Variants in KHDRBS2 observed in about 807,000 individuals in gnomAD.
KHDRBS2 encodes the protein KH domain-containing, RNA-binding, signal transduction-associated protein 2.
A neutral mutation model predicts 44.3 loss-of-function variants in KHDRBS2; 26 were observed. The ratio of observed to expected loss-of-function variants is 0.59; its 90% CI spans 0.43 to 0.81. KHDRBS2 has a LOEUF of 0.81. KHDRBS2 is among the 40% of genes least tolerant of loss of function. KHDRBS2 has a pLI of 0.00. For missense variants in KHDRBS2, 476 were observed against 433.1 expected (o/e 1.10, Z -0.88); for synonymous variants, 194 against 151.1 (o/e 1.28, Z -2.08).
At chr6:62,247,943 A>T (rs542897043) in intron 1 of KHDRBS2, among the ~76,000 whole-genome samples, 11 of 152,236 alleles carry the variant, frequency 7.2e-5, no homozygotes, top group African/African-American at 2.6e-4. Flanking sequence ...GAATGCTATG[A>T]CTTTTTCTTT....
intron 6 of KHDRBS2, among the ~76,000 whole-genome samples, chr6:61,744,917 C>A (rs980472188): frequency 1.3e-5 from 2 of 152,030 alleles, no homozygotes. Context: ...CATTTACTAC[C>A]GAAACTTTCA....
At chr6:62,224,139 A>T (rs1195726622) in intron 1 of KHDRBS2, among the ~76,000 whole-genome samples, 1 of 152,142 alleles carries the variant, frequency 6.6e-6, no homozygotes, top group Non-Finnish European at 1.5e-5. Flanking sequence ...ATGGCTGGGG[A>T]GGCCTCAGAA....
chr6:61,552,343 G>T, the KHDRBS2 span, among the ~76,000 whole-genome samples: 1 of 151,940 alleles, frequency 6.6e-6, no homozygotes, highest in African/African-American at 2.4e-5. Context: ...GAATGCTACT[G>T]ATTTTTGTAC....
intron 1 of KHDRBS2, among the ~76,000 whole-genome samples, chr6:62,258,120 G>A (rs1837713326): frequency 6.6e-6 from 1 of 151,994 alleles, no homozygotes; most frequent in South Asian, 2.1e-4. Context: ...ATAATGCTGT[G>A]TTTTGATTAA....
chr6:61,929,491 T>C (rs1288774133), intron 4 of KHDRBS2, among the ~76,000 whole-genome samples: 1 of 152,182 alleles, frequency 6.6e-6, no homozygotes, highest in Admixed American at 6.5e-5. Context: ...CAAAGGCCGT[T>C]CCACCACCTG....
chr6:62,285,072 T>TTA (rs1297527680), intron 1 of KHDRBS2, among the ~76,000 whole-genome samples: 1 of 152,228 alleles, frequency 6.6e-6, no homozygotes, highest in Non-Finnish European at 1.5e-5. Context: ...GATGGCATTA[T>TTA]TATAACATAA....
chr6:62,285,435 C>T (rs1241318730), intron 1 of KHDRBS2, among the ~76,000 whole-genome samples: 2 of 152,080 alleles, frequency 1.3e-5, no homozygotes, highest in Non-Finnish European at 2.9e-5. Flanking sequence ...AAATCACTTC[C>T]TAAATGCAGC....
chr6:62,260,910 C>A (rs1218321750), intron 1 of KHDRBS2, among the ~76,000 whole-genome samples: 1 of 151,824 alleles, frequency 6.6e-6, no homozygotes, highest in Non-Finnish European at 1.5e-5. Flanking sequence ...AATAACAATT[C>A]ATAATAGTGT....
chr6:61,565,078 T>A, the KHDRBS2 span, among the ~76,000 whole-genome samples: 1 of 152,086 alleles, frequency 6.6e-6, no homozygotes, highest in African/African-American at 2.4e-5. Context: ...AGGGACAGTC[T>A]TTTCAACAAA....
chr6:61,818,484 T>C (rs1014745536), intron 6 of KHDRBS2, among the ~76,000 whole-genome samples: 2 of 151,978 alleles, frequency 1.3e-5, no homozygotes, highest in African/African-American at 4.8e-5. Flanking sequence ...GGAAGTAGTA[T>C]CCAGGAAATG....
rs568920587 is a variant in KHDRBS2 at position 62,090,425 on chromosome 6, A to C, written c.220-42431T>G. ...ATTCTGTGCTTGGCATTGTAAGTGC[A>C]TTACATTGTCAGATAATTCAGTGTC... On this transcript the variant is annotated intron_variant, in intron 2 of 8. Coordinates refer to ENST00000281156, the MANE Select transcript of KHDRBS2 (RefSeq NM_152688.4). 1.9e-4 allele frequency among the ~76,000 whole-genome samples: 29 copies of C among 152,310 alleles called. No individual in the cohort carries two copies. In the South Asian group the frequency reaches 5.6e-3, roughly 29 times the overall value.
chr6:61,603,787 G>C, the KHDRBS2 span, among the ~76,000 whole-genome samples: 1 of 151,958 alleles, frequency 6.6e-6, no homozygotes, highest in African/African-American at 2.4e-5. Context: ...CATTGTTCCT[G>C]GCTGGCCTTC....
At chr6:62,224,334 A>T (rs192998286) in intron 1 of KHDRBS2, among the ~76,000 whole-genome samples, 5 of 152,284 alleles carry the variant, frequency 3.3e-5, no homozygotes, top group Admixed American at 2.6e-4. Flanking sequence ...ATCTCCCACC[A>T]GATCCCTCCC....
chr6:62,129,898 G>T (rs1809882691), intron 2 of KHDRBS2, among the ~76,000 whole-genome samples: 1 of 152,026 alleles, frequency 6.6e-6, no homozygotes, highest in Non-Finnish European at 1.5e-5. Context: ...TGTAGGCAAT[G>T]TTCTAGATGT....
intron 6 of KHDRBS2, among the ~76,000 whole-genome samples, chr6:61,842,157 C>T (rs1793697403): frequency 1.3e-5 from 2 of 152,146 alleles, no homozygotes; most frequent in African/African-American, 4.8e-5. Flanking sequence ...TACCTAGCTA[C>T]CCAATCTGAA....
intron 3 of KHDRBS2, among the ~76,000 whole-genome samples, chr6:62,030,443 C>A (rs1256517437): frequency 6.6e-6 from 1 of 151,950 alleles, no homozygotes; most frequent in African/African-American, 2.4e-5. Flanking sequence ...CAGATGGCTT[C>A]ATTTTTCTAA....
intron 8 of KHDRBS2, among the ~76,000 whole-genome samples, chr6:61,686,435 CAAAT>C (rs1374435039): frequency 1.3e-5 from 2 of 151,726 alleles, no homozygotes; most frequent in Non-Finnish European, 2.9e-5. Context: ...AAGCACCTTT[CAAAT>C]ATATGTTTGT....
intron 6 of KHDRBS2, among the ~76,000 whole-genome samples, chr6:61,860,692 G>A (rs1796816789): frequency 1.3e-5 from 2 of 152,024 alleles, no homozygotes; most frequent in Admixed American, 1.3e-4. Flanking sequence ...GCATGCATGT[G>A]TCTTTAAAAT....
intron 6 of KHDRBS2, among the ~76,000 whole-genome samples, chr6:61,859,077 A>G (rs1796547357): frequency 6.6e-6 from 1 of 151,868 alleles, no homozygotes; most frequent in Admixed American, 6.6e-5. Context: ...AAAATACTAT[A>G]TTGAAATACA....
Sources: allele counts gnomAD v4.1 joint callset (sites outside exome capture counted in the v4.1 genomes callset), GRCh38; gene constraint gnomAD v4.1.1; transcripts MANE v1.5; gene names NCBI Gene and HGNC (gene_info 2026-07-23, HGNC 2026-07-21).